Variants in PCDHGA1 observed in about 807,000 individuals in gnomAD.
PCDHGA1 encodes protocadherin gamma-A1.
PCDHGA1 carries 32 observed loss-of-function variants against 58.0 expected under a neutral mutation model. The ratio of observed to expected loss-of-function variants is 0.55; its 90% confidence interval spans 0.42 to 0.74. The LOEUF (loss-of-function observed/expected upper bound fraction) is 0.74. PCDHGA1 is among the 30% of genes least tolerant of loss of function. The pLI is 0.00. For synonymous variants in PCDHGA1, 498 were observed against 501.1 expected (o/e 0.99, Z 0.08); for missense variants, 1,205 against 1,182.3 (o/e 1.02, Z -0.28).
intron 1 of PCDHGA1, chr5:141,388,223 A>G: frequency 6.2e-7 from 1 of 1,602,840 alleles, no homozygotes; most frequent in Non-Finnish European, 8.5e-7. Context: ...CTGAAAATCC[A>G]CTGAACTTTT....
At chr5:141,352,044 G>T in intron 1 of PCDHGA1, 1 of 1,608,010 alleles carries the variant, frequency 6.2e-7, no homozygotes, top group Non-Finnish European at 8.5e-7. Context: ...GCAGACTCAG[G>T]ACACAACGCT....
In PCDHGA1 at chr5:141,485,792, G is replaced by A. The variant is rs114766079; in HGVS notation, c.2422-9015G>A. The A allele has an allele frequency of 6.2e-7, 1 of 1,614,236 alleles. No homozygotes were observed. Among genetic ancestry groups the A allele is most frequent in the East Asian group, 2.2e-5 (1 of 44,880 alleles). ...GCCTTTGGATCGAGAGAAGCAATCG[G>A]ACTACCGCCTGGTGCTGACTGCTGT... On this transcript the variant is annotated intron_variant, in intron 1 of 3. Coordinates refer to ENST00000517417, the MANE Select transcript of PCDHGA1 (RefSeq NM_018912.3). This position sits in a 1 kb window ranked among gnomAD's most constrained non-coding sequence, Gnocchi z 5.7.
At position 141,345,472 on chromosome 5, in the gene PCDHGA1, A is replaced by G. The variant is rs1398174017; in HGVS notation, c.2421+12367A>G. The G allele has an allele frequency of 1.9e-6, 3 of 1,613,942 alleles. No individual in the cohort carries two copies. In the Admixed American group the frequency reaches 5.0e-5, roughly 27 times the overall value. On this transcript the variant is annotated intron_variant, in intron 1 of 3. Transcript: ENST00000517417. ...TTCTCAGTGACAGCCCAGGACCCAG[A>G]TAGCAACAACAACGCCCGCATCACT...
At chr5:141,387,838 A>AG (rs2091116111) in intron 1 of PCDHGA1, 1 of 1,598,608 alleles carries the variant, frequency 6.3e-7, no homozygotes, top group African/African-American at 1.3e-5. Flanking sequence ...GGTTATTTGT[A>AG]ACCCGGCGTC....
intron 1 of PCDHGA1, among the ~76,000 whole-genome samples, chr5:141,435,286 A>G (rs1179151461): frequency 6.6e-6 from 1 of 152,194 alleles, no homozygotes; most frequent in Non-Finnish European, 1.5e-5. Context: ...CAGTATCCCA[A>G]GTCATTTCAT....
chr5:141,375,054 G>C, intron 1 of PCDHGA1: 6 of 1,614,004 alleles, frequency 3.7e-6, no homozygotes, highest in South Asian at 1.1e-5. Context: ...GCCCGGGATG[G>C]GCCAGGTCTT....
chr5:141,330,609 G>C lies in PCDHGA1; in HGVS notation c.-76G>C. 1 of 1,454,706 alleles carries C rather than the reference G, an allele frequency of 6.9e-7. No homozygotes were observed. The highest frequency in any genetic ancestry group is 9.2e-7 in the Non-Finnish European group (1 of 1,081,748). The allele number at this position is 1,454,706 out of a possible 1,614,324, so 90.1% of individuals were successfully genotyped here. On this transcript the variant is annotated 5_prime_UTR_variant, in exon 1 of 4. Transcript: ENST00000517417. ...CCAGTCAGAATTCTCCTGAAAATTG[G>C]GTTAATTTCAGCTCAGAAAAGCAGA...
chr5:141,496,140 T>C (rs1172903212), intron 2 of PCDHGA1, among the ~76,000 whole-genome samples: 1 of 152,006 alleles, frequency 6.6e-6, no homozygotes, highest in Admixed American at 6.6e-5. Flanking sequence ...CACTGAGCCT[T>C]TGATCGCAGC....
chr5:141,405,187 GGTTCGAGCTT>G (rs2094622612), intron 1 of PCDHGA1: 1 of 1,613,360 alleles, frequency 6.2e-7, no homozygotes, highest in African/African-American at 1.3e-5. Context: ...GTGTAGATGG[GGTTCGAGCTT>G]TCCTACAGAC....
chr5:141,399,084 T>C (rs752476131), intron 1 of PCDHGA1: 2 of 1,613,796 alleles, frequency 1.2e-6, no homozygotes, highest in South Asian at 1.1e-5. Context: ...AAGGGAGGGA[T>C]GGTGGTGGAC....
intron 1 of PCDHGA1, chr5:141,395,106 A>G: frequency 3.1e-6 from 5 of 1,614,150 alleles, no homozygotes; most frequent in Admixed American, 3.3e-5. Flanking sequence ...CGACTCGCGG[A>G]AGAGTCACCT....
chr5:141,365,007 C>T (rs776739278), intron 1 of PCDHGA1: 2 of 1,613,804 alleles, frequency 1.2e-6, no homozygotes, highest in African/African-American at 1.3e-5. Context: ...TCCGGCACCA[C>T]GCACATCCGT....
chr5:141,384,112 G>T (rs372458558), intron 1 of PCDHGA1: 2 of 1,605,392 alleles, frequency 1.2e-6, no homozygotes, highest in Non-Finnish European at 1.7e-6. Flanking sequence ...TTATAGATTG[G>T]TCACAACCAA....
At chr5:141,364,583 G>A in intron 1 of PCDHGA1, 2 of 1,614,216 alleles carry the variant, frequency 1.2e-6, no homozygotes. Context: ...CGGCAGCTTG[G>A]TCACCGCGGG....
At chr5:141,474,002 G>A (rs1020912365) in intron 1 of PCDHGA1, among the ~76,000 whole-genome samples, 5 of 152,078 alleles carry the variant, frequency 3.3e-5, no homozygotes, top group Non-Finnish European at 5.9e-5. Context: ...CCAAGGAGCT[G>A]GAAGTTACAG....
chr5:141,341,117 C>T (rs765232792), intron 1 of PCDHGA1: 7 of 1,614,242 alleles, frequency 4.3e-6, no homozygotes, highest in Admixed American at 1.7e-5. Context: ...GGCGCACAGG[C>T]TGCGGCGCTG....
intron 1 of PCDHGA1, chr5:141,409,727 G>A (rs1000014772): frequency 6.2e-7 from 1 of 1,613,158 alleles, no homozygotes; most frequent in South Asian, 1.1e-5. Context: ...GTCAGTGAGC[G>A]CGCAGAGCGG....
At chr5:141,361,715 C>T (rs1299117104) in intron 1 of PCDHGA1, 19 of 1,613,280 alleles carry the variant, frequency 1.2e-5, no homozygotes, top group Non-Finnish European at 1.6e-5. Context: ...CAGCTGCGCG[C>T]CTTCGAGCTC....
chr5:141,405,149 G>T (rs1469979881), intron 1 of PCDHGA1: 4 of 1,614,038 alleles, frequency 2.5e-6, no homozygotes, highest in Non-Finnish European at 3.4e-6. Context: ...TGATGGGTTG[G>T]CTGGTGTGCC....
Sources: gnomAD v4.1 joint callset for allele counts (sites outside exome capture counted in the v4.1 genomes callset) on GRCh38, gnomAD v4.1.1 for gene constraint, Gnocchi (gnomAD v3.1) non-coding constraint, MANE v1.5 for transcripts, NCBI Gene and HGNC (gene_info 2026-07-23, HGNC 2026-07-21) for gene names.